The following TNNI3K variants were observed in gnomAD, a reference collection of about 807,000 sequenced individuals.
The protein encoded by TNNI3K is TNNI3 interacting kinase.
A neutral mutation model predicts 114.5 loss-of-function variants in TNNI3K; 140 were observed. The ratio of observed to expected loss-of-function variants is 1.22; its 90% CI spans 1.07 to 1.41. TNNI3K has a LOEUF of 1.41. Ranked by LOEUF, TNNI3K falls within the 40% of genes most tolerant of loss-of-function variation. The probability of loss-of-function intolerance (pLI) is 0.00; values close to 1 mark genes in which losing one functional copy is unlikely to be tolerated. For missense variants in TNNI3K, 1,125 were observed against 1,007.6 expected (o/e 1.12, Z -1.58); for synonymous variants, 347 against 347.5 (o/e 1.00, Z 0.02).
chr1:74,460,894 A>T (rs1034779184), intron 20 of TNNI3K, among the ~76,000 whole-genome samples: 1 of 152,272 alleles, frequency 6.6e-6, no homozygotes, highest in South Asian at 2.1e-4. Flanking sequence ...ACTGCCAAGA[A>T]GCAAACAAGT....
At chr1:74,260,344 C>T (rs1655588958) in intron 4 of TNNI3K, among the ~76,000 whole-genome samples, 1 of 152,166 alleles carries the variant, frequency 6.6e-6, no homozygotes, top group Non-Finnish European at 1.5e-5. Flanking sequence ...AGTGTCCAAA[C>T]ATTAGAACAA....
intron 2 of TNNI3K, among the ~76,000 whole-genome samples, chr1:74,237,064 A>G (rs1026208246): frequency 2.6e-5 from 4 of 152,000 alleles, no homozygotes; most frequent in African/African-American, 9.7e-5. Flanking sequence ...AAAATTTTAG[A>G]TATAGTAAAC....
rs1215107394 is a variant in TNNI3K at position 74,336,779 on chromosome 1, T to C, written c.682+630T>C. Among the ~76,000 whole-genome samples the C allele has an allele frequency of 4.0e-5, 6 of 151,504 alleles. No homozygotes were observed. In the East Asian group the frequency reaches 1.2e-3, roughly 29 times the overall value. On this transcript the variant is annotated intron_variant, in intron 7 of 24. Coordinates refer to ENST00000326637, the MANE Select transcript of TNNI3K (RefSeq NM_015978.3). ...TGGACATTTGGGTTGGTTCCAAGTC[T>C]TTGCTATTGTGAATAATGCCGCAAT...
chr1:74,325,781 T>C (rs1659868210), intron 5 of TNNI3K, among the ~76,000 whole-genome samples: 1 of 152,104 alleles, frequency 6.6e-6, no homozygotes, highest in African/African-American at 2.4e-5. Context: ...GGGACCATAA[T>C]TGAGAACTGG....
intron 7 of TNNI3K, among the ~76,000 whole-genome samples, chr1:74,338,510 C>G (rs1288866252): frequency 1.3e-5 from 2 of 151,854 alleles, no homozygotes; most frequent in Non-Finnish European, 2.9e-5. Context: ...TTCCATCGAC[C>G]CCCAAGAGAC....
intron 21 of TNNI3K, among the ~76,000 whole-genome samples, chr1:74,473,760 C>T (rs1668053746): frequency 6.6e-6 from 1 of 152,022 alleles, no homozygotes; most frequent in African/African-American, 2.4e-5. Context: ...GAAGGTTGGA[C>T]TAGATGGGAG....
At chr1:74,483,783 A>G (rs1668617059) in intron 21 of TNNI3K, among the ~76,000 whole-genome samples, 1 of 152,180 alleles carries the variant, frequency 6.6e-6, no homozygotes. Flanking sequence ...TATTTAACCA[A>G]GTCTTTTAAC....
chr1:74,400,151 A>G (rs954517405), intron 17 of TNNI3K, among the ~76,000 whole-genome samples: 7 of 152,146 alleles, frequency 4.6e-5, no homozygotes, highest in African/African-American at 1.4e-4. Context: ...ACCATAAACA[A>G]TCCAGCTACT....
In TNNI3K at chr1:74,336,576, C is replaced by T. The variant is rs527442594; in HGVS notation, c.682+427C>T. Among the ~76,000 whole-genome samples, 6 of 150,300 alleles carry T rather than the reference C, an allele frequency of 4.0e-5. No homozygotes were observed. The East Asian group carries it at 1.2e-3, about 30-fold the overall frequency. On this transcript the variant is annotated intron_variant, in intron 7 of 24. Transcript: ENST00000326637. ...CCATGTGATCTCATTGTTCAATTCC[C>T]ACCTATGAGTGAGAATATGTGGTGT...
intron 2 of TNNI3K, among the ~76,000 whole-genome samples, chr1:74,248,867 T>A (rs1292640460): frequency 1.3e-5 from 2 of 152,212 alleles, no homozygotes; most frequent in East Asian, 3.8e-4. Context: ...GTATCTCTTG[T>A]GCCTTTTAAA....
At position 74,506,703 on chromosome 1, in the gene TNNI3K, G is replaced by A. The variant is rs115069066; in HGVS notation, c.2351+14437G>A. ...GCATTTTAACAAGATTTTAACAGGC[G>A]ACTTGCAAATATACAGTAACCAATC... On this transcript the variant is annotated intron_variant, in intron 23 of 24. Coordinates refer to ENST00000326637, the MANE Select transcript of TNNI3K (RefSeq NM_015978.3). Among the ~76,000 whole-genome samples the A allele has an allele frequency of 4.7e-3, 713 of 152,252 alleles. 7 individuals carry two copies. The highest frequency in any genetic ancestry group is 0.016 in the African/African-American group (680 of 41,540).
intron 23 of TNNI3K, among the ~76,000 whole-genome samples, chr1:74,520,159 C>T (rs993978862): frequency 5.8e-5 from 1 of 17,158 alleles, no homozygotes; most frequent in African/African-American, 1.3e-4. Flanking sequence ...CCCCTTTCCA[C>T]CCTTTCCCCG....
At position 74,244,634 on chromosome 1, in the gene TNNI3K, A is replaced by G. The variant is rs116392520; in HGVS notation, c.150-4825A>G. Among the ~76,000 whole-genome samples the G allele has an allele frequency of 3.4e-3, 511 of 148,714 alleles. 3 individuals are homozygous for G. Among genetic ancestry groups the G allele is most frequent in the African/African-American group, 0.012 (482 of 40,228 alleles). ...AGCAGTCAATTTCAGGATTTTATCT[A>G]GTATGTGTATTTCCAGGACTGATGC... On this transcript the variant is annotated intron_variant, in intron 2 of 24. Coordinates refer to ENST00000326637, the MANE Select transcript of TNNI3K (RefSeq NM_015978.3).
At chr1:74,414,440 C>A (rs1665025588) in intron 17 of TNNI3K, among the ~76,000 whole-genome samples, 1 of 152,152 alleles carries the variant, frequency 6.6e-6, no homozygotes, top group Admixed American at 6.6e-5. Context: ...TGCTCATGAA[C>A]TGGTGTCAAG....
rs767716512 is a variant in TNNI3K at position 74,343,185 on chromosome 1, A to G, written c.932+6A>G. On this transcript the variant is annotated splice_donor_region_variant and intron_variant, in intron 9 of 24. Transcript: ENST00000326637. Reference sequence around the variant, plus strand: ...AGTGAAACAGCTTTTCATAGGTAAAAGAATATTTAAGTGCAATAGCCACTA... The same window carrying G: ...AGTGAAACAGCTTTTCATAGGTAAAGGAATATTTAAGTGCAATAGCCACTA... 6.2e-7 allele frequency: 1 copy of G among 1,605,314 alleles called. No homozygotes were observed. Among genetic ancestry groups the G allele is most frequent in the Non-Finnish European group, 8.5e-7 (1 of 1,175,660 alleles).
chr1:74,442,686 T>G (rs1465124596), intron 20 of TNNI3K, among the ~76,000 whole-genome samples: 1 of 152,124 alleles, frequency 6.6e-6, no homozygotes, highest in African/African-American at 2.4e-5. Flanking sequence ...ATTTTTATTA[T>G]ACTTATCTCT....
intron 23 of TNNI3K, among the ~76,000 whole-genome samples, chr1:74,508,689 C>T (rs868568031): frequency 2.0e-5 from 3 of 152,132 alleles, no homozygotes; most frequent in Non-Finnish European, 4.4e-5. Flanking sequence ...GAGCCCAACC[C>T]GGGGCATATG....
chr1:74,307,248 A>G (rs541691360), intron 5 of TNNI3K, among the ~76,000 whole-genome samples: 2 of 152,350 alleles, frequency 1.3e-5, no homozygotes, highest in Non-Finnish European at 2.9e-5. Flanking sequence ...TAGCTGCAAC[A>G]CTATGACAGG....
chr1:74,523,923 T>C (rs946996782), intron 23 of TNNI3K, among the ~76,000 whole-genome samples: 7 of 150,182 alleles, frequency 4.7e-5, no homozygotes, highest in African/African-American at 1.7e-4. Context: ...ATCCCTCCCC[T>C]TTCCCCCCAC....
Sources: gnomAD v4.1 joint callset for allele counts (sites outside exome capture counted in the v4.1 genomes callset) on GRCh38, gnomAD v4.1.1 for gene constraint, MANE v1.5 for transcripts, NCBI Gene and HGNC (gene_info 2026-07-23, HGNC 2026-07-21) for gene names.